EYS: variants seen among roughly 807,000 people sequenced by gnomAD.
EYS encodes the protein EGF-like photoreceptor maintenance factor, also known as protein eyes shut homolog.
Under a neutral mutation model 282.1 loss-of-function variants are expected in EYS, and 250 were observed. The observed-to-expected ratio is 0.89, with a 90% CI of 0.80 to 0.98. The LOEUF is 0.98. Ranked by LOEUF, EYS falls within the 50% of genes least tolerant of loss-of-function variation. The pLI is 0.00. For synonymous variants in EYS, 1,355 were observed against 1,282.9 expected, an observed-to-expected ratio of 1.06 and a Z score of -1.20; for missense variants, 4,016 against 3,709.0, an observed-to-expected ratio of 1.08 and a Z score of -2.15.
intron 15 of EYS, among the ~76,000 whole-genome samples, chr6:64,940,660 T>G (rs1243273818): frequency 6.6e-6 from 1 of 152,092 alleles, no homozygotes; most frequent in Non-Finnish European, 1.5e-5. Flanking sequence ...TCCTAACTAC[T>G]GGCATTGTGA....
intron 31 of EYS, among the ~76,000 whole-genome samples, chr6:64,148,517 C>G (rs73762736): frequency 0.063 from 9,621 of 152,230 alleles, 882 homozygotes; most frequent in African/African-American, 0.2. Context: ...TAAATTCTAT[C>G]TCACACATCA....
intron 11 of EYS, among the ~76,000 whole-genome samples, chr6:65,312,324 T>C (rs1326370516): frequency 6.6e-6 from 1 of 151,780 alleles, no homozygotes; most frequent in Non-Finnish European, 1.5e-5. Flanking sequence ...CATGATAAAT[T>C]AAGTGATCAG....
intron 5 of EYS, among the ~76,000 whole-genome samples, chr6:65,443,255 C>CAT (rs1768460766): frequency 6.6e-6 from 1 of 151,398 alleles, no homozygotes; most frequent in Non-Finnish European, 1.5e-5. Flanking sequence ...TATGTGTATA[C>CAT]ATATATGCAA....
In EYS at chr6:63,915,677, G is replaced by A. The variant is rs557170368; in HGVS notation, c.7056-51319C>T. ...TAAGAATACCTATGATTCATGGGAG[G>A]TGGTCAGAATAGCAACATTAACAGG... is the stretch of plus-strand genomic sequence containing the variant. On this transcript the variant is annotated intron_variant, in intron 35 of 42. Coordinates refer to ENST00000503581, the MANE Select transcript of EYS (RefSeq NM_001142800.2). 2.6e-5 allele frequency among the ~76,000 whole-genome samples: 4 copies of A among 152,328 alleles called. No individual in the cohort carries two copies. The South Asian group carries it at 8.3e-4, about 32-fold the overall frequency.
At chr6:64,132,770 AAAAT>A in intron 31 of EYS, among the ~76,000 whole-genome samples, 1 of 151,172 alleles carries the variant, frequency 6.6e-6, no homozygotes. Context: ...ACTTTGCAAT[AAAAT>A]AAACCAAAGA....
At chr6:63,964,681 A>G (rs1766222717) in intron 35 of EYS, among the ~76,000 whole-genome samples, 1 of 152,260 alleles carries the variant, frequency 6.6e-6, no homozygotes, top group African/African-American at 2.4e-5. Flanking sequence ...CATAAGTCAC[A>G]GTATAAATCA....
chr6:65,553,227 A>G (rs1768665139), intron 2 of EYS, among the ~76,000 whole-genome samples: 1 of 152,206 alleles, frequency 6.6e-6, no homozygotes, highest in Non-Finnish European at 1.5e-5. Context: ...CATCTGAAAC[A>G]GCATATTGTA....
chr6:64,951,177 G>A (rs1294392572), intron 14 of EYS, among the ~76,000 whole-genome samples: 1 of 151,810 alleles, frequency 6.6e-6, no homozygotes, highest in Non-Finnish European at 1.5e-5. Flanking sequence ...TTACACAGAA[G>A]TAAAGCATTA....
intron 5 of EYS, among the ~76,000 whole-genome samples, chr6:65,443,400 A>G (rs568958761): frequency 6.1e-4 from 90 of 148,482 alleles, no homozygotes; most frequent in African/African-American, 2.1e-3. Flanking sequence ...GCATACATGT[A>G]TGTACACATA....
intron 12 of EYS, among the ~76,000 whole-genome samples, chr6:65,162,513 C>T (rs893535318): frequency 2.0e-5 from 3 of 151,120 alleles, no homozygotes; most frequent in African/African-American, 7.3e-5. Flanking sequence ...ATATTAGACA[C>T]ATATAGTACA....
chr6:65,549,327 TGC>T (rs10566327), intron 2 of EYS, among the ~76,000 whole-genome samples: 50,979 of 151,900 alleles, frequency 0.34, 8,606 homozygotes, highest in East Asian at 0.43. Flanking sequence ...GAACTGGAGA[TGC>T]AGTATGTTTC....
intron 26 of EYS, among the ~76,000 whole-genome samples, chr6:64,482,203 A>C (rs1438282379): frequency 6.6e-6 from 1 of 151,656 alleles, no homozygotes. Context: ...TTTCTACTTC[A>C]TTGGTCTAAG....
intron 2 of EYS, among the ~76,000 whole-genome samples, chr6:65,511,887 A>G (rs1400372709): frequency 1.3e-5 from 2 of 150,996 alleles, no homozygotes; most frequent in African/African-American, 2.5e-5. Flanking sequence ...AGGCTGAGGC[A>G]AGAGAATCAC....
chr6:64,599,292 C>T (rs559293760), intron 24 of EYS, among the ~76,000 whole-genome samples: 167 of 152,078 alleles, frequency 1.1e-3, no homozygotes, highest in African/African-American at 4.0e-3. Context: ...AGGGACTGAT[C>T]CAGGAAAGGG....
chr6:65,206,844 T>C (rs568327062), intron 12 of EYS, among the ~76,000 whole-genome samples: 2 of 151,818 alleles, frequency 1.3e-5, no homozygotes, highest in South Asian at 2.1e-4. Flanking sequence ...ATGAAAACCC[T>C]CAACAAACTA....
intron 2 of EYS, among the ~76,000 whole-genome samples, chr6:65,623,661 T>C (rs1766600186): frequency 6.6e-6 from 1 of 152,204 alleles, no homozygotes. Context: ...ATCAGTTCAG[T>C]TCAGAGTCTT....
rs536663651 is a variant in EYS, at chr6:65,309,162, G to A, written c.1767-13043C>T. On this transcript the variant is annotated intron_variant, in intron 11 of 42. Coordinates refer to ENST00000503581, the MANE Select transcript of EYS (RefSeq NM_001142800.2). ...GAGATAGCTGATGAGATATTCTTTC[G>A]TCAGATTTCCTCAAATAAATAAAGG... 6.7e-4 allele frequency among the ~76,000 whole-genome samples: 102 copies of A among 152,236 alleles called. 1 individual carries two copies. The highest frequency in any genetic ancestry group is 3.4e-3 in the Middle Eastern group (1 of 294).
At chr6:64,942,039 C>T (rs1769106398) in intron 15 of EYS, among the ~76,000 whole-genome samples, 1 of 152,062 alleles carries the variant, frequency 6.6e-6, no homozygotes, top group Non-Finnish European at 1.5e-5. Flanking sequence ...CTCCAAACTG[C>T]TCTCCACAGT....
At chr6:63,888,956 G>T (rs936161886) in intron 35 of EYS, among the ~76,000 whole-genome samples, 3 of 152,166 alleles carry the variant, frequency 2.0e-5, no homozygotes, top group Admixed American at 6.5e-5. Flanking sequence ...ATGACCTGAT[G>T]GAGCTGAAAA....
Sources: gnomAD v4.1 joint callset for allele counts (sites outside exome capture counted in the v4.1 genomes callset) on GRCh38, gnomAD v4.1.1 for gene constraint, MANE v1.5 for transcripts, NCBI Gene and HGNC (gene_info 2026-07-23, HGNC 2026-07-21) for gene names.